YIPF3: variants seen among roughly 807,000 people sequenced by gnomAD.
The protein encoded by YIPF3 is Yip1 domain family member 3, also known as protein YIPF3.
In YIPF3, 18 loss-of-function variants were observed where a neutral mutation model predicts 40.3. That is an observed-to-expected ratio of 0.45 (90% CI 0.31 to 0.66). The LOEUF (loss-of-function observed/expected upper bound fraction) is 0.66, where lower values mean the gene tolerates loss of function less well. Among genes scored for constraint, YIPF3 ranks in the 30% least tolerant of loss-of-function variants. YIPF3 has a pLI of 0.07. For synonymous variants in YIPF3, 190 were observed against 179.6 expected (o/e 1.06, Z -0.46); for missense variants, 406 against 452.2 (o/e 0.90, Z 0.93).
intron 8 of YIPF3, 46 bp downstream of exon 8, chr6:43,512,394 C>T (rs1792689334): frequency 2.5e-6 from 4 of 1,614,190 alleles, no homozygotes; most frequent in East Asian, 2.2e-5. Context: ...TTGCTCTAGG[C>T]AGCTGCTTTC....
chr6:43,512,769 G>C lies in YIPF3; in HGVS notation c.772C>G (p.Leu258Val), dbSNP rs1297191461. The stretch of plus-strand genomic sequence containing the variant: ...CCTCTTGCCCAGCTTACCATGCGCA[G>C]TGTGGACAGTCCACCCACCAACAGC... ...FWLLVGGLST[L>V]RMVAVLVSRT... Residue 258 changes from leucine to valine, a missense_variant, in exon 7 of 9, where the codon CTG becomes GTG. Leu to Val is a conservative substitution (Grantham distance 32, BLOSUM62 1). Coordinates refer to ENST00000372422, the MANE Select transcript of YIPF3 (RefSeq NM_015388.4). The C allele has an allele frequency of 6.2e-7, 1 of 1,613,484 alleles. No homozygotes were observed. Among genetic ancestry groups the C allele is most frequent in the Non-Finnish European group, 8.5e-7 (1 of 1,179,844 alleles).
At position 43,512,527 on chromosome 6, in the gene YIPF3, G is replaced by A. The variant is rs760005393; in HGVS notation, c.817C>T (p.Gln273Ter). 5 of 1,612,864 alleles carry A rather than the reference G, an allele frequency of 3.1e-6. No individual in the cohort carries two copies. The highest frequency in any genetic ancestry group is 4.2e-6 in the Non-Finnish European group (5 of 1,179,932). The change falls in exon 8 of 9, where the codon CAG becomes TAG. Residue 273 changes from glutamine to a stop codon, truncating the protein, a stop_gained. Coordinates refer to ENST00000372422, the MANE Select transcript of YIPF3 (RefSeq NM_015388.4). LOFTEE classifies it high-confidence loss of function. ...VLVSRTVGPT[Q>*]RLLLCGTLAA... ...AGGGTGCCACAGAGGAGCAGCCGCTGTGTGGGGCCCACGGTCCGAGACACC... is the reference window on the plus strand; with the variant it reads ...AGGGTGCCACAGAGGAGCAGCCGCTATGTGGGGCCCACGGTCCGAGACACC...
chr6:43,513,636 G>GGGAGA lies in YIPF3; in HGVS notation c.396-8_396-4dup, dbSNP rs1582172772. ...TAGGGATCATGGACTCCAGGAGCCT[G>GGGAGA]GGAGAGGAGAGGAGAGATTAAAGCA... On this transcript the variant is annotated splice_polypyrimidine_tract_variant and splice_region_variant and intron_variant, in intron 3 of 8. Transcript: ENST00000372422. 1 of 1,554,978 alleles carries GGGAGA rather than the reference G, an allele frequency of 6.4e-7. No homozygotes were observed. Among genetic ancestry groups the GGGAGA allele is most frequent in the Non-Finnish European group, 8.7e-7 (1 of 1,151,436 alleles).
Position 43,512,145 on chromosome 6 carries a change from T to C in YIPF3, c.*22A>G. ...TCTCTGCAGCTGCGGGAAAGAGGAC[T>C]GGCCAAGAATTTCAGGTGGGGTCAG... On this transcript the variant is annotated 3_prime_UTR_variant, in exon 9 of 9. Coordinates refer to ENST00000372422, the MANE Select transcript of YIPF3 (RefSeq NM_015388.4). The C allele has an allele frequency of 6.2e-7, 1 of 1,614,096 alleles. No individual in the cohort carries two copies. Among genetic ancestry groups the C allele is most frequent in the Non-Finnish European group, 8.5e-7 (1 of 1,179,982 alleles).
intron 6 of YIPF3, 59 bp downstream of exon 6, chr6:43,513,010 G>A (rs959827080): frequency 4.6e-5 from 74 of 1,605,566 alleles, no homozygotes; most frequent in Middle Eastern, 3.3e-4. Flanking sequence ...GACAGATGCC[G>A]ACCAAGGCCT....
At chr6:43,516,257 G>A (rs543642171) in intron 1 of YIPF3, 162 bp from the exon 2 acceptor site, 695 of 1,421,546 alleles carry the variant, frequency 4.9e-4, no homozygotes, top group Non-Finnish European at 6.3e-4. Context: ...CTCTCAGAAC[G>A]CCTGGTTTCT....
chr6:43,515,760 C>T (rs748264435), intron 2 of YIPF3, 59 bp from the exon 3 acceptor site: 9 of 1,607,108 alleles, frequency 5.6e-6, no homozygotes, highest in Non-Finnish European at 7.7e-6. Flanking sequence ...ATCCTGTTGC[C>T]TATTTTCCGT....
rs1317897716 is a variant in YIPF3 at position 43,516,459 on chromosome 6, T to C, written c.81+268A>G. 9.7e-6 allele frequency: 6 copies of C among 617,170 alleles called. No individual in the cohort carries two copies. The East Asian group carries it at 1.4e-4, about 15-fold the overall frequency. 38.2% of individuals were successfully genotyped at this position (617,170 alleles called of 1,614,324 possible). On this transcript the variant is annotated intron_variant, in intron 1 of 8. Coordinates refer to ENST00000372422, the MANE Select transcript of YIPF3 (RefSeq NM_015388.4). Reference sequence around the variant, plus strand: ...ATCCCACCCAACCCCACTCCATGCCTTACCCCGACCAACCTCCTAACTTGT... The same window carrying C: ...ATCCCACCCAACCCCACTCCATGCCCTACCCCGACCAACCTCCTAACTTGT...
In YIPF3 at chr6:43,516,613, G is replaced by A. The variant is rs527978489; in HGVS notation, c.81+114C>T. 15 of 1,273,346 alleles carry A rather than the reference G, an allele frequency of 1.2e-5. No individual in the cohort carries two copies. In the African/African-American group the frequency reaches 1.8e-4, roughly 15 times the overall value. The allele number at this position is 1,273,346 out of a possible 1,614,324, so 78.9% of individuals were successfully genotyped here. A position where few individuals can be genotyped will look rare whatever the true frequency, so the allele number is the denominator to read the frequency against. The stretch of plus-strand genomic sequence containing the variant: ...ACTTTAGTGTGCACGAAGACCCAAA[G>A]AAGAGAGTTTTGTAAATGGAGCGGA... On this transcript the variant is annotated intron_variant, in intron 1 of 8. Transcript: ENST00000372422.
rs780383325 is a variant in YIPF3, at chr6:43,513,368, G to A, written c.525C>T (p.Asp175=). 25 of 1,614,092 alleles carry A rather than the reference G, an allele frequency of 1.5e-5. 1 individual carries two copies. Among genetic ancestry groups the A allele is most frequent in the South Asian group, 4.4e-5 (4 of 91,088 alleles). Residue 175 remains aspartate, a synonymous_variant, in exon 5 of 9, where the codon GAC becomes GAT. Transcript: ENST00000372422. Reference sequence around the variant, plus strand: ...TGTCTGTCCTGCTTACGATAATAGTGTCAGACGTCTTCATCCCATGGAGTA... The same window carrying A: ...TGTCTGTCCTGCTTACGATAATAGTATCAGACGTCTTCATCCCATGGAGTA... ...AILLHGMKTS[D]TIIREGTLMG... is the part of the protein sequence containing the mutation.
intron 2 of YIPF3, 70 bp downstream of exon 2, chr6:43,515,819 A>C: frequency 1.9e-6 from 3 of 1,594,062 alleles, no homozygotes; most frequent in Non-Finnish European, 2.6e-6. Flanking sequence ...AACATCACCA[A>C]CACCAATTCC....
chr6:43,512,636 G>C, intron 7 of YIPF3, 73 bp from the exon 8 acceptor site: 4 of 1,548,204 alleles, frequency 2.6e-6, no homozygotes, highest in South Asian at 2.5e-5. Context: ...CCCCCACCCA[G>C]GGCAGAACCA....
chr6:43,516,347 T>TA, intron 1 of YIPF3: 4 of 859,860 alleles, frequency 4.7e-6, no homozygotes, highest in Non-Finnish European at 5.1e-6. Context: ...TATCAAAGAC[T>TA]AAAAGGCTGA....
In YIPF3 at chr6:43,515,728, A is replaced by G. The variant is rs761909558; in HGVS notation, c.289-27T>C. ...TGAAGTAAGGAAGATGGGCATAGGT[A>G]TTGTGGTACTGTTGGTTCTAGATCC... On this transcript the variant is annotated intron_variant, in intron 2 of 8. Coordinates refer to ENST00000372422, the MANE Select transcript of YIPF3 (RefSeq NM_015388.4). The G allele has an allele frequency of 2.5e-6, 4 of 1,613,274 alleles. No homozygotes were observed. The Admixed American group carries it at 6.7e-5, about 27-fold the overall frequency.
chr6:43,512,777 A>G lies in YIPF3; in HGVS notation c.764T>C (p.Leu255Pro). 6.2e-7 allele frequency: 1 copy of G among 1,613,770 alleles called. No individual in the cohort carries two copies. Among genetic ancestry groups the G allele is most frequent in the Non-Finnish European group, 8.5e-7 (1 of 1,179,958 alleles). The change falls in exon 7 of 9, where the codon CTG becomes CCG. Residue 255 changes from leucine to proline, a missense_variant. By Grantham distance (98) the Leu-to-Pro change is moderately conservative (BLOSUM62 -3). Transcript: ENST00000372422. ...FYLFWLLVGG[L>P]STLRMVAVLV... is the part of the protein sequence containing the mutation. ...CCAGCTTACCATGCGCAGTGTGGAC[A>G]GTCCACCCACCAACAGCCAGAAGAG...
intron 3 of YIPF3, among the ~76,000 whole-genome samples, chr6:43,514,385 G>C (rs926230598): frequency 6.6e-6 from 1 of 152,172 alleles, no homozygotes; most frequent in Non-Finnish European, 1.5e-5. Flanking sequence ...TGAGGGAATA[G>C]TAAAAACGCC....
intron 1 of YIPF3, 140 bp from the exon 2 acceptor site, chr6:43,516,235 C>G: frequency 6.8e-7 from 1 of 1,474,458 alleles, no homozygotes; most frequent in Non-Finnish European, 9.0e-7. Flanking sequence ...CCACTCCATT[C>G]CCCCTCATAT....
chr6:43,513,780 T>G, intron 3 of YIPF3, 147 bp from the exon 4 acceptor site: 1 of 678,678 alleles, frequency 1.5e-6, no homozygotes, highest in Non-Finnish European at 2.3e-6. Flanking sequence ...AACAGGGTAG[T>G]AAAGACAGAT....
At position 43,513,139 on chromosome 6, in the gene YIPF3, G is replaced by T; in HGVS notation, c.596C>A (p.Ser199Ter). 1 of 1,614,182 alleles carries T rather than the reference G, an allele frequency of 6.2e-7. No homozygotes were observed. Among genetic ancestry groups the T allele is most frequent in the Non-Finnish European group, 8.5e-7 (1 of 1,180,044 alleles). Residue 199 changes from serine to a stop codon, truncating the protein, a stop_gained, in exon 6 of 9, where the codon TCA (serine) becomes TAA (stop). Transcript: ENST00000372422. LOFTEE classifies it high-confidence loss of function. ...GTCFGYWLGV[S>*]SFIYFLAYLC... Reference sequence around the variant, plus strand: ...GTAGGCAAGGAAGTAAATGAAGGATGAGACTCCCAGCCAGTAGCCGAAGCA... The same window carrying T: ...GTAGGCAAGGAAGTAAATGAAGGATTAGACTCCCAGCCAGTAGCCGAAGCA...
Sources: gnomAD v4.1 joint callset for allele counts (sites outside exome capture counted in the v4.1 genomes callset) on GRCh38, gnomAD v4.1.1 for gene constraint, MANE v1.5 for transcripts, NCBI Gene and HGNC (gene_info 2026-07-23, HGNC 2026-07-21) for gene names.